The following ERC1 variants were observed in gnomAD, a reference collection of about 807,000 sequenced individuals.
ERC1 encodes RAB6 interacting protein 2.
ERC1 carries 56 observed loss-of-function variants against 132.0 expected under a neutral mutation model. The ratio of observed to expected loss-of-function variants is 0.42; its 90% CI spans 0.34 to 0.53. The LOEUF is 0.53. Ranked by LOEUF, ERC1 falls within the 20% of genes least tolerant of loss-of-function variation. ERC1 has a pLI of 0.03. For synonymous variants in ERC1, 478 were observed against 476.1 expected, an observed-to-expected ratio of 1.00 and a Z score of -0.05; for missense variants, 1,202 against 1,349.9, an observed-to-expected ratio of 0.89 and a Z score of 1.72.
At chr12:1,446,331 T>C (rs936169710) in intron 18 of ERC1, among the ~76,000 whole-genome samples, 4 of 152,056 alleles carry the variant, frequency 2.6e-5, no homozygotes, top group African/African-American at 9.7e-5. Flanking sequence ...CATTGAGACA[T>C]AGAAACAGAA....
At chr12:1,284,265 CGTGTGTGTGTGTGTGTGT>C (rs71055142) in intron 14 of ERC1, among the ~76,000 whole-genome samples, 33 of 140,194 alleles carry the variant, frequency 2.4e-4, no homozygotes, top group South Asian at 9.6e-4. Context: ...GAATAGTATT[CGTGTGTGTGTGTGTGTGT>C]GTGTGTGTGT....
chr12:1,126,974 G>A lies in ERC1; in HGVS notation c.1569+10941G>A, dbSNP rs1199399966. 9.0e-5 allele frequency among the ~76,000 whole-genome samples: 9 copies of A among 100,292 alleles called. No individual in the cohort carries two copies. The East Asian group carries it at 1.8e-3, about 20-fold the overall frequency. The allele number at this position is 100,292 out of a possible 152,430, so 65.8% of individuals were successfully genotyped here. Reference sequence around the variant, plus strand: ...CTGCACTCCAGCCTGGCGACAGAGTGAGATTCTGTCTCAAAAAAAAAAAAA... The same window carrying A: ...CTGCACTCCAGCCTGGCGACAGAGTAAGATTCTGTCTCAAAAAAAAAAAAA... On this transcript the variant is annotated intron_variant, in intron 7 of 18. Transcript: ENST00000360905.
intron 3 of ERC1, among the ~76,000 whole-genome samples, chr12:1,101,709 C>A (rs1161837822): frequency 6.6e-6 from 1 of 152,108 alleles, no homozygotes; most frequent in African/African-American, 2.4e-5. Flanking sequence ...AGATATCACA[C>A]GGCGAGGAAG....
chr12:1,473,362 G>T (rs924468367), intron 18 of ERC1, among the ~76,000 whole-genome samples: 1 of 152,144 alleles, frequency 6.6e-6, no homozygotes, highest in African/African-American at 2.4e-5. Context: ...TTTGTTCAAA[G>T]TTAGTTATGG....
At chr12:1,098,638 G>GTGAGA (rs539488270) in intron 3 of ERC1, among the ~76,000 whole-genome samples, 58 of 152,214 alleles carry the variant, frequency 3.8e-4, no homozygotes, top group Non-Finnish European at 7.5e-4. Context: ...CAGATGATGG[G>GTGAGA]TGAGATTGAA....
At chr12:1,218,685 T>A (rs557788109) in intron 12 of ERC1, among the ~76,000 whole-genome samples, 31 of 152,186 alleles carry the variant, frequency 2.0e-4, no homozygotes, top group African/African-American at 7.5e-4. Flanking sequence ...CTTGAAACAC[T>A]GTTTTCTTCT....
intron 15 of ERC1, among the ~76,000 whole-genome samples, chr12:1,302,209 T>C (rs527654614): frequency 6.6e-6 from 1 of 152,218 alleles, no homozygotes; most frequent in African/African-American, 2.4e-5. Context: ...CAAAAATGAA[T>C]TAATTAAACT....
rs920177027 is a variant in ERC1, at chr12:1,491,645, G to A, written c.*1415G>A. ...TGTAGGATTCCATTTGATGATTCTG[G>A]ATTTTTGCTGTTTGTTATTGCCCTT... On this transcript the variant is annotated 3_prime_UTR_variant, in exon 19 of 19. Coordinates refer to ENST00000360905, the MANE Select transcript of ERC1 (RefSeq NM_178040.4). 4 of 229,992 alleles carry A rather than the reference G, an allele frequency of 1.7e-5. No homozygotes were observed. In the East Asian group the frequency reaches 2.5e-4, roughly 14 times the overall value. The allele number at this position is 229,992 out of a possible 1,614,324, so 14.2% of individuals were successfully genotyped here.
chr12:1,400,366 G>A (rs760427335), intron 16 of ERC1, among the ~76,000 whole-genome samples: 2 of 151,932 alleles, frequency 1.3e-5, no homozygotes, highest in Non-Finnish European at 2.9e-5. Flanking sequence ...CCATCCTGTC[G>A]TTCTCTTTTC....
intron 1 of ERC1, among the ~76,000 whole-genome samples, chr12:1,009,765 G>A (rs1197717712): frequency 6.6e-6 from 1 of 152,016 alleles, no homozygotes; most frequent in Non-Finnish European, 1.5e-5. Flanking sequence ...ATGAAAAACT[G>A]TTTATCTTAA....
At chr12:1,091,711 C>G (rs1331704073) in intron 3 of ERC1, among the ~76,000 whole-genome samples, 2 of 152,162 alleles carry the variant, frequency 1.3e-5, no homozygotes, top group Non-Finnish European at 2.9e-5. Context: ...ACCGTTGAAT[C>G]AAGGGAGTGA....
intron 7 of ERC1, among the ~76,000 whole-genome samples, chr12:1,126,499 G>A (rs73591871): frequency 6.6e-6 from 1 of 152,194 alleles, no homozygotes; most frequent in Non-Finnish European, 1.5e-5. Flanking sequence ...AGACCTCAGT[G>A]TTAAAGAGAA....
chr12:1,327,546 T>C (rs2082536042), intron 15 of ERC1, among the ~76,000 whole-genome samples: 1 of 152,214 alleles, frequency 6.6e-6, no homozygotes, highest in Non-Finnish European at 1.5e-5. Context: ...AGCCATTCCC[T>C]AGAAGTCCCC....
chr12:1,342,848 T>C (rs981749395), intron 15 of ERC1, among the ~76,000 whole-genome samples: 1 of 152,212 alleles, frequency 6.6e-6, no homozygotes, highest in Non-Finnish European at 1.5e-5. Flanking sequence ...TTTAAATTGC[T>C]ATTCTATAGC....
intron 2 of ERC1, among the ~76,000 whole-genome samples, chr12:1,072,994 A>G (rs1940677287): frequency 6.6e-6 from 1 of 152,098 alleles, no homozygotes; most frequent in Non-Finnish European, 1.5e-5. Flanking sequence ...TGTCCAGCCA[A>G]TAAATACTTT....
At chr12:1,121,755 C>G (rs55772617) in intron 7 of ERC1, among the ~76,000 whole-genome samples, 4 of 5,434 alleles carry the variant, frequency 7.4e-4, no homozygotes, top group Non-Finnish European at 7.0e-4. Context: ...ATCTCTATCT[C>G]TATCTCTATC....
At chr12:1,251,407 A>G (rs969527019) in intron 13 of ERC1, among the ~76,000 whole-genome samples, 15 of 152,156 alleles carry the variant, frequency 9.9e-5, no homozygotes, top group South Asian at 2.1e-4. Context: ...TTTTCTTAGT[A>G]AAACAGGGCT....
intron 15 of ERC1, among the ~76,000 whole-genome samples, chr12:1,311,908 G>A (rs1321166262): frequency 1.3e-5 from 2 of 152,096 alleles, no homozygotes; most frequent in Admixed American, 1.3e-4. Context: ...CTTTCCCATT[G>A]ACTTTATATG....
At chr12:1,258,331 A>G (rs1226384678) in intron 13 of ERC1, among the ~76,000 whole-genome samples, 2 of 152,326 alleles carry the variant, frequency 1.3e-5, no homozygotes, top group Admixed American at 6.5e-5. Context: ...ATAGTTTATC[A>G]TGAAGGTTGG....
Sources: gnomAD v4.1 joint callset for allele counts (sites outside exome capture counted in the v4.1 genomes callset) on GRCh38, gnomAD v4.1.1 for gene constraint, MANE v1.5 for transcripts, NCBI Gene and HGNC (gene_info 2026-07-23, HGNC 2026-07-21) for gene names.